Variants in ORC3 observed in about 807,000 individuals in gnomAD.
The protein encoded by ORC3 is origin recognition complex subunit 3.
ORC3 carries 78 observed loss-of-function variants against 100.7 expected under a neutral mutation model. The ratio of observed to expected loss-of-function variants is 0.77; its 90% CI spans 0.65 to 0.94. The LOEUF (loss-of-function observed/expected upper bound fraction) is 0.94. Among genes scored for constraint, ORC3 ranks in the 40% least tolerant of loss-of-function variants. The probability of loss-of-function intolerance (pLI) is 0.00; values close to 1 mark genes in which losing one functional copy is unlikely to be tolerated. For missense variants in ORC3, 789 were observed against 823.9 expected (o/e 0.96, Z 0.52); for synonymous variants, 295 against 289.3 (o/e 1.02, Z -0.20).
intron 13 of ORC3, chr6:87,650,905 G>C: frequency 3.3e-6 from 1 of 302,152 alleles, no homozygotes; most frequent in Non-Finnish European, 6.6e-6. Flanking sequence ...TACTCGGGAG[G>C]TTGAGGCAGG....
intron 10 of ORC3, 106 bp downstream of exon 10, chr6:87,621,593 A>T: frequency 1.3e-6 from 1 of 764,262 alleles, no homozygotes; most frequent in Non-Finnish European, 1.9e-6. Context: ...ATAGTAACCT[A>T]TTCTGTTTTT....
intron 13 of ORC3, among the ~76,000 whole-genome samples, chr6:87,637,952 G>C (rs913602532): frequency 6.6e-6 from 1 of 152,144 alleles, no homozygotes; most frequent in Non-Finnish European, 1.5e-5. Context: ...TACCCCCTGA[G>C]GAATCTGAAA....
rs146775377 is a variant in ORC3 at position 87,661,967 on chromosome 6, G to A, written c.1692-1036G>A. On this transcript the variant is annotated intron_variant, in intron 16 of 19. Coordinates refer to ENST00000392844, the MANE Select transcript of ORC3 (RefSeq NM_012381.4). ...TTTTAATGCCATATTTTTTAGTTCC[G>A]AATTTATTAAAATTGTTTTATCATC... is the stretch of plus-strand genomic sequence containing the variant. Among the ~76,000 whole-genome samples the A allele has an allele frequency of 2.6e-3, 399 of 151,864 alleles. 1 individual carries two copies. The highest frequency in any genetic ancestry group is 8.9e-3 in the African/African-American group (369 of 41,372).
intron 11 of ORC3, among the ~76,000 whole-genome samples, chr6:87,629,194 A>G (rs1282530993): frequency 6.6e-6 from 1 of 152,264 alleles, no homozygotes; most frequent in Non-Finnish European, 1.5e-5. Context: ...ATAACAAGAT[A>G]ATAAATGAGA....
intron 2 of ORC3, 139 bp downstream of exon 2, chr6:87,594,546 T>C (rs776174456): frequency 7.4e-7 from 1 of 1,347,888 alleles, no homozygotes; most frequent in South Asian, 2.1e-5. Context: ...TCCAAGGCAT[T>C]GGTCAAAGAG....
In ORC3 at chr6:87,634,802, A is replaced by T. The variant is rs760336553; in HGVS notation, c.1186-43A>T. 1.1e-5 allele frequency: 11 copies of T among 959,752 alleles called. No individual in the cohort carries two copies. In the Admixed American group the frequency reaches 1.7e-4, roughly 15 times the overall value. The allele number at this position is 959,752 out of a possible 1,614,324, so 59.5% of individuals were successfully genotyped here. A position where few individuals can be genotyped will look rare whatever the true frequency, so the allele number is the denominator to read the frequency against. The stretch of plus-strand genomic sequence containing the variant: ...GTAGATTGTATTATTATGCTCTTTT[A>T]TTAGCTGACTTACATATTAATAATA... On this transcript the variant is annotated intron_variant, in intron 11 of 19. Transcript: ENST00000392844.
chr6:87,665,525 C>CTTGT (rs138636399), intron 18 of ORC3, among the ~76,000 whole-genome samples: 4,377 of 152,196 alleles, frequency 0.029, 205 homozygotes, highest in African/African-American at 0.099. Context: ...AGCTTCGTTT[C>CTTGT]TTTTCTCTGC....
intron 11 of ORC3, among the ~76,000 whole-genome samples, chr6:87,628,301 C>T (rs1245500047): frequency 2.0e-4 from 31 of 152,084 alleles, no homozygotes; most frequent in Non-Finnish European, 2.9e-5. Flanking sequence ...GAAACCTGCA[C>T]GTCCTGCACA....
chr6:87,602,610 CGT>C (rs1405415829), intron 3 of ORC3, among the ~76,000 whole-genome samples: 1 of 152,036 alleles, frequency 6.6e-6, no homozygotes, highest in African/African-American at 2.4e-5. Flanking sequence ...GGCTCATTCA[CGT>C]ATTCCATGTG....
In ORC3 at chr6:87,621,996, A is replaced by G; in HGVS notation, c.1168A>G (p.Asn390Asp). The stretch of plus-strand genomic sequence containing the variant: ...AGAAAAGCAAGTTGCGCTCTTGACC[A>G]ATGAGAGATATTTGAAGGTAGGAAT... ...ASEKQVALLT[N>D]ERYLKEETQL... The change falls in exon 11 of 20, where the codon AAT becomes GAT. Residue 390 changes from asparagine to aspartate, a missense_variant. Coordinates refer to ENST00000392844, the MANE Select transcript of ORC3 (RefSeq NM_012381.4). The G allele has an allele frequency of 6.2e-7, 1 of 1,607,990 alleles. No homozygotes were observed.
chr6:87,670,738 A>C, downstream of ORC3, among the ~76,000 whole-genome samples: 1 of 152,340 alleles, frequency 6.6e-6, no homozygotes, highest in South Asian at 2.1e-4. Flanking sequence ...AGTACCAAGC[A>C]TGTGCCATGT....
At chr6:87,675,418 C>A in the ORC3 span, 1 of 740,610 alleles carries the variant, frequency 1.4e-6, no homozygotes, top group Admixed American at 2.4e-5. Flanking sequence ...CCAGGTGGTA[C>A]TGACATCAGG....
At chr6:87,654,480 T>C (rs935616732) in intron 14 of ORC3, among the ~76,000 whole-genome samples, 1 of 152,118 alleles carries the variant, frequency 6.6e-6, no homozygotes, top group Non-Finnish European at 1.5e-5. Context: ...GATCATTGAG[T>C]TCAGCTATAT....
intron 2 of ORC3, chr6:87,594,678 G>T: frequency 5.6e-6 from 3 of 538,430 alleles, no homozygotes; most frequent in South Asian, 8.5e-5. Context: ...TTGTCTTTTT[G>T]ATTACTTCTC....
intron 16 of ORC3, among the ~76,000 whole-genome samples, chr6:87,661,852 C>T (rs953264441): frequency 1.3e-5 from 2 of 152,128 alleles, no homozygotes; most frequent in Non-Finnish European, 2.9e-5. Flanking sequence ...AAGCTTCTCC[C>T]CTCCAATTTG....
chr6:87,590,228 C>A, intron 1 of ORC3, 36 bp downstream of exon 1: 1 of 1,605,886 alleles, frequency 6.2e-7, no homozygotes, highest in Non-Finnish European at 8.5e-7. Flanking sequence ...GGCTCTACCG[C>A]TGCCTCATTC....
At chr6:87,592,786 C>A (rs771073825) in intron 1 of ORC3, among the ~76,000 whole-genome samples, 5 of 151,752 alleles carry the variant, frequency 3.3e-5, no homozygotes, top group African/African-American at 1.2e-4. Context: ...CCATAGAAAT[C>A]GAAATATTTA....
chr6:87,662,251 C>T (rs926458242), intron 16 of ORC3, among the ~76,000 whole-genome samples: 2 of 152,032 alleles, frequency 1.3e-5, no homozygotes, highest in Non-Finnish European at 2.9e-5. Context: ...ATGGTGAAAC[C>T]TCATCTCTAT....
At chr6:87,629,130 T>A (rs1376718358) in intron 11 of ORC3, among the ~76,000 whole-genome samples, 1 of 152,158 alleles carries the variant, frequency 6.6e-6, no homozygotes, top group Non-Finnish European at 1.5e-5. Context: ...ATGCTAAGTC[T>A]GGAAAACACT....
Sources: gnomAD v4.1 joint callset for allele counts (sites outside exome capture counted in the v4.1 genomes callset) on GRCh38, gnomAD v4.1.1 for gene constraint, MANE v1.5 for transcripts, NCBI Gene and HGNC (gene_info 2026-07-23, HGNC 2026-07-21) for gene names.